The following SPATS2L variants were observed in gnomAD, a reference collection of about 807,000 sequenced individuals.
SPATS2L encodes SPATS2-like protein.
SPATS2L carries 30 observed loss-of-function variants against 59.6 expected under a neutral mutation model. The observed-to-expected ratio is 0.50, with a 90% CI of 0.38 to 0.68. The LOEUF is 0.68. Among genes scored for constraint, SPATS2L ranks in the 30% least tolerant of loss-of-function variants. SPATS2L has a pLI of 0.00. For synonymous variants in SPATS2L, 252 were observed against 263.5 expected, an observed-to-expected ratio of 0.96 and a Z score of 0.42; for missense variants, 615 against 700.0, an observed-to-expected ratio of 0.88 and a Z score of 1.37.
chr2:200,377,003 G>A (rs1224545515), intron 2 of SPATS2L, among the ~76,000 whole-genome samples: 1 of 152,236 alleles, frequency 6.6e-6, no homozygotes, highest in Non-Finnish European at 1.5e-5. Context: ...ATTCTCACCT[G>A]TAAAATGAGG....
At chr2:200,342,367 T>A (rs2080361192) in intron 2 of SPATS2L, among the ~76,000 whole-genome samples, 2 of 152,202 alleles carry the variant, frequency 1.3e-5, no homozygotes, top group African/African-American at 4.8e-5. Flanking sequence ...TGGGTGGTAT[T>A]GGAGGAGGAC....
At chr2:200,329,685 T>C (rs2079871665) in intron 2 of SPATS2L, among the ~76,000 whole-genome samples, 1 of 151,768 alleles carries the variant, frequency 6.6e-6, no homozygotes, top group South Asian at 2.1e-4. Context: ...TGGATGTAAG[T>C]CAGTGCCACC....
chr2:200,333,263 G>A (rs1308067619), intron 2 of SPATS2L, among the ~76,000 whole-genome samples: 1 of 151,560 alleles, frequency 6.6e-6, no homozygotes, highest in Non-Finnish European at 1.5e-5. Context: ...TCCAGCCTGG[G>A]TGACAGGACA....
intron 9 of SPATS2L, among the ~76,000 whole-genome samples, chr2:200,462,521 C>T (rs1025126062): frequency 2.6e-5 from 4 of 152,144 alleles, no homozygotes; most frequent in African/African-American, 9.7e-5. Context: ...CCTGGGGAAG[C>T]CCATTTGCAT....
At chr2:200,447,131 A>G (rs954171642) in intron 8 of SPATS2L, among the ~76,000 whole-genome samples, 2 of 152,224 alleles carry the variant, frequency 1.3e-5, no homozygotes, top group African/African-American at 4.8e-5. Context: ...ATAAAACCAA[A>G]TATCACAGTG....
At chr2:200,371,777 A>G (rs947477761) in intron 2 of SPATS2L, among the ~76,000 whole-genome samples, 6 of 152,192 alleles carry the variant, frequency 3.9e-5, no homozygotes, top group Non-Finnish European at 7.3e-5. Flanking sequence ...AAGCTTCACC[A>G]ACTTGCAGAT....
intron 1 of SPATS2L, among the ~76,000 whole-genome samples, chr2:200,315,855 C>CAAA (rs1233557910): frequency 7.3e-5 from 4 of 54,802 alleles, no homozygotes; most frequent in Non-Finnish European, 1.4e-4. Flanking sequence ...CACCAAAAAT[C>CAAA]CAAAAAAAAA....
At position 200,408,308 on chromosome 2, in the gene SPATS2L, C is replaced by T. The variant is rs185144072; in HGVS notation, c.40-4003C>T. Among the ~76,000 whole-genome samples the T allele has an allele frequency of 2.4e-4, 36 of 152,182 alleles. 1 individual carries two copies. The East Asian group carries it at 6.4e-3, about 27-fold the overall frequency. On this transcript the variant is annotated intron_variant, in intron 3 of 12. Coordinates refer to ENST00000409140, the MANE Select transcript of SPATS2L (RefSeq NM_001100423.2). ...CAAGTTGGAGCCCAATTGTTGCTGGCGTTGAATGCCAGGTTGCAGATAATG... is the reference window on the plus strand; with the variant it reads ...CAAGTTGGAGCCCAATTGTTGCTGGTGTTGAATGCCAGGTTGCAGATAATG...
chr2:200,380,915 T>C (rs998857502), intron 2 of SPATS2L, among the ~76,000 whole-genome samples: 1 of 152,206 alleles, frequency 6.6e-6, no homozygotes, highest in Non-Finnish European at 1.5e-5. Context: ...GTCCTAATAA[T>C]TAAAGCGACT....
At chr2:200,342,583 A>G (rs1417262224) in intron 2 of SPATS2L, among the ~76,000 whole-genome samples, 1 of 152,230 alleles carries the variant, frequency 6.6e-6, no homozygotes, top group Non-Finnish European at 1.5e-5. Context: ...GAGCTCTTAC[A>G]GTCCCATGGG....
intron 3 of SPATS2L, among the ~76,000 whole-genome samples, chr2:200,409,012 G>A (rs377358549): frequency 1.3e-5 from 2 of 152,336 alleles, no homozygotes; most frequent in African/African-American, 4.8e-5. Context: ...ACCCAACAGC[G>A]GCCGCCTGGT....
At chr2:200,318,323 A>G (rs1341146223) in intron 1 of SPATS2L, among the ~76,000 whole-genome samples, 1 of 152,204 alleles carries the variant, frequency 6.6e-6, no homozygotes, top group East Asian at 1.9e-4. Context: ...CTGAGCTTCC[A>G]GTGACTTGGT....
intron 9 of SPATS2L, among the ~76,000 whole-genome samples, chr2:200,464,333 T>G (rs1307672646): frequency 6.6e-6 from 1 of 152,240 alleles, no homozygotes; most frequent in Non-Finnish European, 1.5e-5. Flanking sequence ...GTAAAATGCA[T>G]TTTAACACTT....
At chr2:200,476,485 T>A (rs1426626714) in intron 12 of SPATS2L, among the ~76,000 whole-genome samples, 1 of 152,264 alleles carries the variant, frequency 6.6e-6, no homozygotes, top group African/African-American at 2.4e-5. Context: ...AACAGGAAAT[T>A]TTCCTTGACC....
Position 200,479,557 on chromosome 2 carries a change from G to A in SPATS2L, c.*1526G>A. 1 of 398,598 alleles carries A rather than the reference G, an allele frequency of 2.5e-6. No individual in the cohort carries two copies. The highest frequency in any genetic ancestry group is 4.4e-6 in the Non-Finnish European group (1 of 226,068). 24.7% of individuals were successfully genotyped at this position (398,598 alleles called of 1,614,324 possible). ...CTAGATGGAGAAGGGGTACTTCTCAGAAAGGGAAAATGGATACCCAATGGC... is the reference window on the plus strand; with the variant it reads ...CTAGATGGAGAAGGGGTACTTCTCAAAAAGGGAAAATGGATACCCAATGGC... On this transcript the variant is annotated 3_prime_UTR_variant, in exon 13 of 13. Transcript: ENST00000409140.
In SPATS2L at chr2:200,479,339, A is replaced by G. The variant is rs1019386160; in HGVS notation, c.*1308A>G. The G allele has an allele frequency of 2.1e-5, 8 of 387,672 alleles. No homozygotes were observed. The highest frequency in any genetic ancestry group is 3.2e-5 in the Non-Finnish European group (7 of 219,634). The allele number at this position is 387,672 out of a possible 1,614,324, so 24.0% of individuals were successfully genotyped here. A position where few individuals can be genotyped will look rare whatever the true frequency, so the allele number is the denominator to read the frequency against. On this transcript the variant is annotated 3_prime_UTR_variant, in exon 13 of 13. Transcript: ENST00000409140. ...CTGTCCAGAGGAGAGAAGTTATCCTAGTAGCTTCTACACAGAGCAAGTGTC... is the reference window on the plus strand; with the variant it reads ...CTGTCCAGAGGAGAGAAGTTATCCTGGTAGCTTCTACACAGAGCAAGTGTC...
At chr2:200,408,364 G>A (rs536577925) in intron 3 of SPATS2L, among the ~76,000 whole-genome samples, 1 of 152,308 alleles carries the variant, frequency 6.6e-6, no homozygotes, top group African/African-American at 2.4e-5. Flanking sequence ...AAGGAAGAGG[G>A]TAAAATGGTC....
chr2:200,455,261 CAGAAGTTTTT>C (rs2085755040), intron 8 of SPATS2L, among the ~76,000 whole-genome samples: 1 of 152,154 alleles, frequency 6.6e-6, no homozygotes, highest in Non-Finnish European at 1.5e-5. Flanking sequence ...TGAAATTGAA[CAGAAGTTTTT>C]AAAAACTTAG....
At chr2:200,365,507 G>A (rs913452319) in intron 2 of SPATS2L, among the ~76,000 whole-genome samples, 2 of 152,204 alleles carry the variant, frequency 1.3e-5, no homozygotes, top group African/African-American at 4.8e-5. Flanking sequence ...GACTCTGTCT[G>A]TGAACTCAGA....
Sources: gnomAD v4.1 joint callset for allele counts (sites outside exome capture counted in the v4.1 genomes callset) on GRCh38, gnomAD v4.1.1 for gene constraint, MANE v1.5 for transcripts, NCBI Gene and HGNC (gene_info 2026-07-23, HGNC 2026-07-21) for gene names.